The following KAT6A variants were observed in gnomAD, a reference collection of about 807,000 sequenced individuals.
KAT6A encodes the protein histone acetyltransferase KAT6A.
A neutral mutation model predicts 198.4 loss-of-function variants in KAT6A; 9 were observed. The ratio of observed to expected loss-of-function variants is 0.05; its 90% CI spans 0.03 to 0.08. KAT6A has a LOEUF of 0.08. KAT6A is among the 10% of genes least tolerant of loss of function. KAT6A has a pLI of 1.00. For missense variants in KAT6A, 2,077 were observed against 2,509.9 expected (o/e 0.83, Z 3.69); for synonymous variants, 890 against 883.0 (o/e 1.01, Z -0.14).
chr8:41,955,910 G>T (rs1196634782), intron 8 of KAT6A, among the ~76,000 whole-genome samples: 1 of 152,124 alleles, frequency 6.6e-6, no homozygotes, highest in Non-Finnish European at 1.5e-5. Context: ...AATACAAAAA[G>T]AATCTGACAA....
At chr8:41,953,752 G>A (rs139040442) in intron 9 of KAT6A, among the ~76,000 whole-genome samples, 31 of 152,310 alleles carry the variant, frequency 2.0e-4, no homozygotes, top group African/African-American at 7.5e-4. Context: ...GGGATTACAG[G>A]CGTGTCCTTG....
At chr8:41,973,228 ATTT>A (rs781037656) in intron 8 of KAT6A, among the ~76,000 whole-genome samples, 1 of 144,970 alleles carries the variant, frequency 6.9e-6, no homozygotes, top group Non-Finnish European at 1.5e-5. Context: ...CAGCCTTAGA[ATTT>A]TTTTTTTTTT....
intron 8 of KAT6A, chr8:41,957,381 A>G (rs1023845207): frequency 3.2e-5 from 15 of 466,150 alleles, no homozygotes; most frequent in African/African-American, 2.8e-4. Context: ...GGAGGAAGAA[A>G]TGGCTACACA....
chr8:41,943,634 C>A, intron 13 of KAT6A, 114 bp downstream of exon 13: 1 of 666,932 alleles, frequency 1.5e-6, no homozygotes, highest in South Asian at 1.9e-5. Flanking sequence ...CTCATTATCA[C>A]CAAGTATATC....
rs1421804052 is a variant in KAT6A, at chr8:41,979,405, G to C, written c.908-628C>G. On this transcript the variant is annotated intron_variant, in intron 5 of 16. Transcript: ENST00000265713. ...TGTAATCCCATCACTTTGGGGGGCT[G>C]AGGTGGGCGGATTACCTGAGGTCAG... Among the ~76,000 whole-genome samples, 4 of 151,974 alleles carry C rather than the reference G, an allele frequency of 2.6e-5. No individual in the cohort carries two copies. The East Asian group carries it at 5.8e-4, about 22-fold the overall frequency.
rs370199771 is a variant in KAT6A, at chr8:42,025,122, G to A, written c.600+23256C>T. On this transcript the variant is annotated intron_variant, in intron 2 of 16. Coordinates refer to ENST00000265713, the MANE Select transcript of KAT6A (RefSeq NM_006766.5). ...ACCAGCACTTATTTTTTGTCTTTTT[G>A]ACAACAGCCATTCTAACAAGGTAGA... Among the ~76,000 whole-genome samples the A allele has an allele frequency of 2.6e-5, 4 of 152,088 alleles. No individual in the cohort carries two copies. The East Asian group carries it at 5.8e-4, about 22-fold the overall frequency.
chr8:42,033,782 T>C (rs769104233), intron 2 of KAT6A, among the ~76,000 whole-genome samples: 2 of 152,178 alleles, frequency 1.3e-5, no homozygotes, highest in Non-Finnish European at 2.9e-5. Context: ...CCCTGGAAGA[T>C]GCTTAATACA....
intron 2 of KAT6A, among the ~76,000 whole-genome samples, chr8:42,004,546 T>C (rs1488450069): frequency 6.6e-6 from 1 of 152,232 alleles, no homozygotes; most frequent in Non-Finnish European, 1.5e-5. Context: ...TTCAAGATCC[T>C]ACATTACCTT....
rs181595768 is a variant in KAT6A, at chr8:42,036,508, G to C, written c.600+11870C>G. ...GGCACCTGTAATCCCAGCTGCTTGG[G>C]AGGCTGAGGCAGAAGAATCGCTTGA... On this transcript the variant is annotated intron_variant, in intron 2 of 16. Transcript: ENST00000265713. 1.8e-4 allele frequency among the ~76,000 whole-genome samples: 28 copies of C among 152,276 alleles called. No individual in the cohort carries two copies. In the East Asian group the frequency reaches 4.8e-3, roughly 26 times the overall value.
intron 2 of KAT6A, among the ~76,000 whole-genome samples, chr8:42,019,089 T>A (rs1220228686): frequency 6.6e-6 from 1 of 152,172 alleles, no homozygotes; most frequent in Non-Finnish European, 1.5e-5. Context: ...AGGCAACATA[T>A]CAGCATTTAG....
chr8:41,970,441 T>C (rs1823730480), intron 8 of KAT6A, among the ~76,000 whole-genome samples: 2 of 152,350 alleles, frequency 1.3e-5, no homozygotes, highest in African/African-American at 4.8e-5. Flanking sequence ...TTTAACTCTC[T>C]TTGGTCATCC....
chr8:41,969,634 T>C (rs941880745), intron 8 of KAT6A, among the ~76,000 whole-genome samples: 11 of 152,234 alleles, frequency 7.2e-5, no homozygotes, highest in African/African-American at 2.2e-4. Flanking sequence ...ACTCTTTATG[T>C]AGTAGCCAAG....
chr8:42,041,636 G>A (rs569513588), intron 2 of KAT6A, among the ~76,000 whole-genome samples: 22 of 152,116 alleles, frequency 1.4e-4, no homozygotes, highest in African/African-American at 5.1e-4. Flanking sequence ...CAGCAGGAGG[G>A]GAGAGGCAGT....
At chr8:42,031,585 G>A (rs1827130217) in intron 2 of KAT6A, among the ~76,000 whole-genome samples, 2 of 140,042 alleles carry the variant, frequency 1.4e-5, no homozygotes, top group Admixed American at 7.2e-5. Flanking sequence ...TGGTTTCACA[G>A]ATCTATGAAA....
In KAT6A at chr8:41,933,340, G is replaced by C; in HGVS notation, c.4880C>G (p.Ala1627Gly). 5 of 1,577,290 alleles carry C rather than the reference G, an allele frequency of 3.2e-6. No individual in the cohort carries two copies. Among genetic ancestry groups the C allele is most frequent in the Middle Eastern group, 1.7e-4 (1 of 5,924 alleles). Residue 1627 changes from alanine to glycine, a missense_variant, in exon 17 of 17, where the codon GCT becomes GGT. Ala to Gly is a moderately conservative substitution (Grantham distance 60, BLOSUM62 0). This residue lies in a region of KAT6A where 500 missense variants were observed against 577.2 expected (regional missense o/e 0.87). Transcript: ENST00000265713. The surrounding 1 kb of genome is among the most constrained non-coding windows in gnomAD (Gnocchi z 6.2). Reference sequence around the variant, plus strand: ...AGGTGACTTGATGCTGCAGTTGGCAGCAGGCTGGACGCTGCTCTGCTGCAT... The same window carrying C: ...AGGTGACTTGATGCTGCAGTTGGCACCAGGCTGGACGCTGCTCTGCTGCAT... Reference protein sequence around the residue: ...SMMQQSSVQPAANCSIKSPQS... With the variant: ...SMMQQSSVQPGANCSIKSPQS...
chr8:41,954,899 G>C (rs1822849930), intron 9 of KAT6A, among the ~76,000 whole-genome samples: 1 of 152,022 alleles, frequency 6.6e-6, no homozygotes, highest in Admixed American at 6.6e-5. Flanking sequence ...CATTTATTAA[G>C]TTTGTCAAAT....
intron 9 of KAT6A, among the ~76,000 whole-genome samples, chr8:41,953,577 G>A (rs1822773270): frequency 6.6e-6 from 1 of 152,178 alleles, no homozygotes; most frequent in Non-Finnish European, 1.5e-5. Flanking sequence ...AGGTTCAAGC[G>A]ATTCTCCTAC....
intron 2 of KAT6A, among the ~76,000 whole-genome samples, chr8:42,046,660 T>TG (rs1197352573): frequency 6.6e-6 from 1 of 152,198 alleles, no homozygotes; most frequent in Non-Finnish European, 1.5e-5. Context: ...GTTAGATCAT[T>TG]TAATAATTGT....
chr8:42,040,735 CAAAA>C lies in KAT6A; in HGVS notation c.600+7639_600+7642del, dbSNP rs59959496. ...AAGTGACAAGAGCAAGACTCTGTCT[CAAAA>C]AAAAAAAAAAAAAAAAAAAAAGAAA... On this transcript the variant is annotated intron_variant, in intron 2 of 16. Transcript: ENST00000265713. Among the ~76,000 whole-genome samples the C allele has an allele frequency of 1.1e-3, 59 of 54,656 alleles. No individual in the cohort carries two copies. In the East Asian group the frequency reaches 0.023, roughly 21 times the overall value. 35.9% of individuals were successfully genotyped at this position (54,656 alleles called of 152,430 possible).
Sources: allele counts gnomAD v4.1 joint callset (sites outside exome capture counted in the v4.1 genomes callset), GRCh38; gene constraint gnomAD v4.1.1; regional missense constraint gnomAD v4.1.1; non-coding constraint Gnocchi (gnomAD v3.1); transcripts MANE v1.5; gene names NCBI Gene and HGNC (gene_info 2026-07-23, HGNC 2026-07-21).